Variants in MITF observed in about 807,000 individuals in gnomAD.
MITF encodes melanocyte inducing transcription factor.
In MITF, 17 loss-of-function variants were observed where a neutral mutation model predicts 60.5. The observed-to-expected ratio is 0.28, with a 90% CI of 0.19 to 0.42. MITF has a LOEUF of 0.42. MITF is among the 10% of genes least tolerant of loss of function. The pLI is 1.00. For synonymous variants in MITF, 260 were observed against 248.5 expected, an observed-to-expected ratio of 1.05 and a Z score of -0.43; for missense variants, 622 against 683.5, an observed-to-expected ratio of 0.91 and a Z score of 1.00.
rs531888093 is a variant in MITF at position 69,918,753 on chromosome 3, A to G, written c.355-19069A>G. Among the ~76,000 whole-genome samples the G allele has an allele frequency of 5.3e-5, 8 of 152,312 alleles. No homozygotes were observed. In the South Asian group the frequency reaches 1.7e-3, roughly 32 times the overall value. ...TATTAATGTATGAAAAGGCTTGAGC[A>G]TTATGCTTTGTATATAAGAGATGCT... On this transcript the variant is annotated intron_variant, in intron 2 of 9. Transcript: ENST00000352241.
At chr3:69,757,055 C>T (rs1249966188) in intron 1 of MITF, among the ~76,000 whole-genome samples, 2 of 152,016 alleles carry the variant, frequency 1.3e-5, no homozygotes, top group African/African-American at 4.8e-5. Context: ...GGATAGATTG[C>T]AAAAATTTTC....
At chr3:69,811,953 C>T (rs537511115) in intron 1 of MITF, among the ~76,000 whole-genome samples, 109 of 152,256 alleles carry the variant, frequency 7.2e-4, no homozygotes, top group African/African-American at 2.4e-3. Context: ...CAGGGCCCCA[C>T]CTGTATTTAA....
At chr3:69,788,304 G>A (rs1488859497) in intron 1 of MITF, among the ~76,000 whole-genome samples, 1 of 112,948 alleles carries the variant, frequency 8.9e-6, no homozygotes, top group Non-Finnish European at 1.7e-5. Context: ...CCCCACAACA[G>A]TCCCTGGTGT....
intron 1 of MITF, among the ~76,000 whole-genome samples, chr3:69,787,985 T>A (rs575751072): frequency 2.7e-4 from 41 of 152,262 alleles, no homozygotes; most frequent in African/African-American, 9.1e-4. Context: ...GTGAAGGAGA[T>A]GCTGTCATTA....
intron 1 of MITF, among the ~76,000 whole-genome samples, chr3:69,762,226 G>A (rs542139649): frequency 6.6e-6 from 1 of 152,154 alleles, no homozygotes; most frequent in Admixed American, 6.5e-5. Context: ...AAAAATCCTA[G>A]TTAATGGCTT....
chr3:69,926,470 A>C (rs774359251), intron 2 of MITF, among the ~76,000 whole-genome samples: 6 of 152,256 alleles, frequency 3.9e-5, no homozygotes, highest in Non-Finnish European at 7.4e-5. Context: ...GTTTCTTAAG[A>C]GTGTCGGTAC....
intron 2 of MITF, among the ~76,000 whole-genome samples, chr3:69,921,960 A>G (rs1052859689): frequency 2.0e-5 from 3 of 152,156 alleles, no homozygotes; most frequent in Admixed American, 6.5e-5. Flanking sequence ...CCCTCCTCAC[A>G]TAGTTATGAC....
intron 2 of MITF, among the ~76,000 whole-genome samples, chr3:69,925,617 A>C (rs2065568121): frequency 6.6e-6 from 1 of 152,190 alleles, no homozygotes; most frequent in African/African-American, 2.4e-5. Context: ...GAGAATAAAA[A>C]TCAAATTCCT....
chr3:69,844,858 A>G (rs1430729218), intron 1 of MITF, among the ~76,000 whole-genome samples: 1 of 152,152 alleles, frequency 6.6e-6, no homozygotes, highest in Non-Finnish European at 1.5e-5. Context: ...ACTAGCATTT[A>G]CTGAAAAATC....
intron 2 of MITF, among the ~76,000 whole-genome samples, chr3:69,879,639 G>A (rs996143649): frequency 6.6e-6 from 1 of 152,200 alleles, no homozygotes; most frequent in Non-Finnish European, 1.5e-5. Context: ...ATACATGTTT[G>A]TTGTGATGAC....
chr3:69,762,959 C>A (rs905671453), intron 1 of MITF, among the ~76,000 whole-genome samples: 4 of 152,158 alleles, frequency 2.6e-5, no homozygotes, highest in African/African-American at 4.8e-5. Context: ...CTTTACCTTG[C>A]CAGCAATCCT....
chr3:69,844,170 T>C (rs969803344), intron 1 of MITF, among the ~76,000 whole-genome samples: 2 of 152,218 alleles, frequency 1.3e-5, no homozygotes, highest in Non-Finnish European at 2.9e-5. Context: ...TGGTTCCAAG[T>C]CTTTGTTATG....
At chr3:69,820,278 A>G (rs1321793954) in intron 1 of MITF, among the ~76,000 whole-genome samples, 1 of 152,070 alleles carries the variant, frequency 6.6e-6, no homozygotes, top group Non-Finnish European at 1.5e-5. Context: ...CTCATTTTGT[A>G]TTTCTATTAG....
At chr3:69,808,417 C>G (rs933822109) in intron 1 of MITF, among the ~76,000 whole-genome samples, 1 of 152,078 alleles carries the variant, frequency 6.6e-6, no homozygotes, top group East Asian at 1.9e-4. Context: ...TATTCTCTGT[C>G]ATGGGGCTTG....
At chr3:69,881,829 T>C (rs1008215537) in intron 2 of MITF, among the ~76,000 whole-genome samples, 2 of 152,110 alleles carry the variant, frequency 1.3e-5, no homozygotes, top group Admixed American at 1.3e-4. Context: ...ATTGAATAAA[T>C]ATTTTCTCAT....
At chr3:69,907,992 T>C (rs1341158761) in intron 2 of MITF, among the ~76,000 whole-genome samples, 1 of 152,198 alleles carries the variant, frequency 6.6e-6, no homozygotes, top group Non-Finnish European at 1.5e-5. Context: ...ATTTCAAGAA[T>C]GAGGGAAGTA....
In MITF at chr3:69,921,950, C is replaced by T. The variant is rs1359926522; in HGVS notation, c.355-15872C>T. Among the ~76,000 whole-genome samples the T allele has an allele frequency of 2.0e-5, 3 of 152,152 alleles. No individual in the cohort carries two copies. In the East Asian group the frequency reaches 5.8e-4, roughly 29 times the overall value. On this transcript the variant is annotated intron_variant, in intron 2 of 9. Transcript: ENST00000352241. ...CATACTGGATGCCGGTAGTAGCACC[C>T]CCTCCTCACATAGTTATGACAACCA...
intron 1 of MITF, among the ~76,000 whole-genome samples, chr3:69,856,771 A>T (rs1398817349): frequency 6.6e-6 from 1 of 152,058 alleles, no homozygotes; most frequent in Non-Finnish European, 1.5e-5. Context: ...ATGTTGGGTT[A>T]CTTTTTTTTT....
At chr3:69,825,029 G>A (rs943191220) in intron 1 of MITF, among the ~76,000 whole-genome samples, 1 of 109,144 alleles carries the variant, frequency 9.2e-6, no homozygotes, top group African/African-American at 2.8e-5. Flanking sequence ...GTTCTTTCAG[G>A]TTCTCTTTAC....
Sources: gnomAD v4.1 joint callset for allele counts (sites outside exome capture counted in the v4.1 genomes callset) on GRCh38, gnomAD v4.1.1 for gene constraint, MANE v1.5 for transcripts, NCBI Gene and HGNC (gene_info 2026-07-23, HGNC 2026-07-21) for gene names.